The following SFI1 variants were observed in gnomAD, a reference collection of about 807,000 sequenced individuals.
SFI1 encodes the protein protein SFI1 homolog.
A neutral mutation model predicts 207.5 loss-of-function variants in SFI1; 195 were observed. The ratio of observed to expected loss-of-function variants is 0.94; its 90% CI spans 0.84 to 1.06. SFI1 has a LOEUF of 1.06. Ranked by LOEUF, SFI1 falls within the 50% of genes least tolerant of loss-of-function variation. SFI1 has a pLI of 0.00. For synonymous variants in SFI1, 630 were observed against 598.9 expected, an observed-to-expected ratio of 1.05 and a Z score of -0.76; for missense variants, 1,634 against 1,588.0, an observed-to-expected ratio of 1.03 and a Z score of -0.49.
intron 29 of SFI1, 120 bp downstream of exon 29, chr22:31,615,399 T>C: frequency 1.1e-6 from 1 of 938,124 alleles, no homozygotes; most frequent in East Asian, 2.9e-5. Context: ...AGGCCACTCA[T>C]CCATTTGACA....
intron 14 of SFI1, among the ~76,000 whole-genome samples, chr22:31,588,467 G>A (rs546936074): frequency 2.0e-4 from 31 of 152,326 alleles, no homozygotes; most frequent in Non-Finnish European, 3.4e-4. Context: ...AGGGAACATA[G>A]ATCACTTCTC....
chr22:31,528,611 G>A (rs2058163316), intron 2 of SFI1, 79 bp from the exon 3 acceptor site: 1 of 1,267,154 alleles, frequency 7.9e-7, no homozygotes, highest in South Asian at 1.3e-5. Context: ...GTTTAATTTT[G>A]CTTGTATATT....
In SFI1 at chr22:31,603,820, G is replaced by A. The variant is rs1244284463; in HGVS notation, c.1881+1G>A. 1 of 1,574,240 alleles carries A rather than the reference G, an allele frequency of 6.4e-7. No individual in the cohort carries two copies. The highest frequency in any genetic ancestry group is 8.6e-7 in the Non-Finnish European group (1 of 1,168,108). On this transcript the variant is annotated splice_donor_variant, in intron 18 of 32. Transcript: ENST00000400288. LOFTEE classifies it high-confidence loss of function. ...TTGGGCCTGGAGCCAGTGGAGGGAG[G>A]TAAGGCTTTGGTGCGAGGTGCCACC...
chr22:31,604,438 T>G, intron 19 of SFI1, 34 bp downstream of exon 19: 5 of 1,462,780 alleles, frequency 3.4e-6, no homozygotes, highest in Non-Finnish European at 4.5e-6. Flanking sequence ...GATCTTGCTG[T>G]GGGGACAGGG....
At chr22:31,561,000 G>T (rs956846801) in intron 7 of SFI1, among the ~76,000 whole-genome samples, 6 of 152,134 alleles carry the variant, frequency 3.9e-5, no homozygotes, top group African/African-American at 7.2e-5. Flanking sequence ...ACCGTACCAG[G>T]CCATAACATA....
Position 31,501,999 on chromosome 22 carries a change from AG to A in SFI1, c.-31+5365del, listed in dbSNP as rs199605169. Among the ~76,000 whole-genome samples, 1,130 of 152,272 alleles carry A rather than the reference AG, an allele frequency of 7.4e-3. 25 individuals are homozygous for A. The highest frequency in any genetic ancestry group is 0.025 in the African/African-American group (1,025 of 41,550). ...CAATGCCATGAATGGCTTCCTGTCC[AG>A]GGTGGCATCCCCCCTTGTGCCCTGA... is the stretch of plus-strand genomic sequence containing the variant. On this transcript the variant is annotated intron_variant, in intron 1 of 32. Coordinates refer to ENST00000400288, the MANE Select transcript of SFI1 (RefSeq NM_001007467.3).
chr22:31,617,642 A>G (rs902552636), intron 31 of SFI1, among the ~76,000 whole-genome samples: 1 of 151,900 alleles, frequency 6.6e-6, no homozygotes, highest in Non-Finnish European at 1.5e-5. Flanking sequence ...AATCGCTTCA[A>G]CCTGGGAGGC....
Position 31,611,040 on chromosome 22 carries a change from C to T in SFI1, c.2255-103C>T, listed in dbSNP as rs1451437842. 5 of 1,489,130 alleles carry T rather than the reference C, an allele frequency of 3.4e-6. No individual in the cohort carries two copies. The Admixed American group carries it at 8.5e-5, about 25-fold the overall frequency. 92.2% of individuals were successfully genotyped at this position (1,489,130 alleles called of 1,614,324 possible). A position where few individuals can be genotyped will look rare whatever the true frequency, so the allele number is the denominator to read the frequency against. On this transcript the variant is annotated intron_variant, in intron 22 of 32. Coordinates refer to ENST00000400288, the MANE Select transcript of SFI1 (RefSeq NM_001007467.3). ...TCACCATGTGGGCTGGACACCTGAA[C>T]TCTATCCCTGCACAGCCATCTCTGC... is the stretch of plus-strand genomic sequence containing the variant.
At chr22:31,531,011 C>A in intron 3 of SFI1, 47 bp from the exon 4 acceptor site, 1 of 1,539,774 alleles carries the variant, frequency 6.5e-7, no homozygotes, top group Non-Finnish European at 8.9e-7. Flanking sequence ...CTGATGTAAG[C>A]CAAATGGAAT....
intron 17 of SFI1, 102 bp downstream of exon 17, chr22:31,602,887 A>C (rs1241021284): frequency 7.8e-7 from 1 of 1,276,630 alleles, no homozygotes; most frequent in Admixed American, 2.5e-5. Flanking sequence ...GGACTGCATT[A>C]CCCCAGACTC....
chr22:31,606,253 G>A (rs563159557), intron 20 of SFI1, 75 bp from the exon 21 acceptor site: 1 of 1,353,246 alleles, frequency 7.4e-7, no homozygotes, highest in African/African-American at 1.4e-5. Flanking sequence ...GGAAGAAGTA[G>A]GAATGATTCA....
In SFI1 at chr22:31,602,702, A is replaced by G; in HGVS notation, c.1722A>G (p.Thr574=). ...AARHQEQEWQ[T]VACAHHRHGR... ...GTCACCAGGAGCAGGAGTGGCAAAC[A>G]GTGGCCTGTGCCCACCACCGCCACG... Residue 574 remains threonine (T), a synonymous_variant, in exon 17 of 33, where the codon ACA becomes ACG. Coordinates refer to ENST00000400288, the MANE Select transcript of SFI1 (RefSeq NM_001007467.3). 6.2e-7 allele frequency: 1 copy of G among 1,614,102 alleles called. No homozygotes were observed. Among genetic ancestry groups the G allele is most frequent in the East Asian group, 2.2e-5 (1 of 44,890 alleles).
chr22:31,522,266 C>G (rs1329997090), intron 2 of SFI1, among the ~76,000 whole-genome samples: 1 of 151,872 alleles, frequency 6.6e-6, no homozygotes. Flanking sequence ...CAGTGTTTCA[C>G]CATGTTGGCC....
intron 1 of SFI1, among the ~76,000 whole-genome samples, chr22:31,505,510 A>G (rs929440056): frequency 1.3e-5 from 2 of 151,898 alleles, no homozygotes; most frequent in Non-Finnish European, 2.9e-5. Flanking sequence ...AGTCCCAGCT[A>G]CTTGGGAGGC....
At chr22:31,591,358 T>C (rs1034693976) in intron 15 of SFI1, among the ~76,000 whole-genome samples, 3 of 152,224 alleles carry the variant, frequency 2.0e-5, no homozygotes, top group Admixed American at 2.0e-4. Context: ...AAGTCTCCCA[T>C]GTCTACTCCC....
intron 3 of SFI1, chr22:31,529,131 A>C (rs1178939844): frequency 5.4e-6 from 2 of 371,160 alleles, no homozygotes; most frequent in African/African-American, 4.1e-5. Flanking sequence ...GGTCCAAGAA[A>C]GAAGGAACTA....
chr22:31,515,884 C>G (rs1045949596), intron 2 of SFI1, among the ~76,000 whole-genome samples: 1 of 151,806 alleles, frequency 6.6e-6, no homozygotes, highest in Non-Finnish European at 1.5e-5. Flanking sequence ...ACTACAGTCA[C>G]GCACCACCAT....
intron 9 of SFI1, among the ~76,000 whole-genome samples, chr22:31,574,630 T>C (rs1189680655): frequency 2.0e-5 from 3 of 152,208 alleles, no homozygotes; most frequent in African/African-American, 7.2e-5. Flanking sequence ...CATCAGTATC[T>C]AACTAGAAGC....
intron 4 of SFI1, among the ~76,000 whole-genome samples, chr22:31,532,954 A>C (rs955028465): frequency 5.3e-5 from 8 of 152,328 alleles, no homozygotes; most frequent in African/African-American, 1.9e-4. Flanking sequence ...GGGAAAATGC[A>C]GTAACATTCA....
Sources: allele counts gnomAD v4.1 joint callset (sites outside exome capture counted in the v4.1 genomes callset), GRCh38; gene constraint gnomAD v4.1.1; transcripts MANE v1.5; gene names NCBI Gene and HGNC (gene_info 2026-07-23, HGNC 2026-07-21).